The following ZNF160 variants were observed in gnomAD, a reference collection of about 807,000 sequenced individuals.
ZNF160 encodes the protein zinc finger protein 160.
In ZNF160, 9 loss-of-function variants were observed where a neutral mutation model predicts 13.1. The ratio of observed to expected loss-of-function variants is 0.69; its 90% CI spans 0.41 to 1.20. The LOEUF is 1.20. Among genes scored for constraint, ZNF160 ranks in the 50% most tolerant of loss-of-function variants. The pLI is 0.01. For synonymous variants in ZNF160, 293 were observed against 333.2 expected, an observed-to-expected ratio of 0.88 and a Z score of 1.31; for missense variants, 838 against 988.0, an observed-to-expected ratio of 0.85 and a Z score of 2.04.
intron 3 of ZNF160, chr19:53,085,024 G>C (rs1600867353): frequency 4.6e-6 from 1 of 215,402 alleles, no homozygotes; most frequent in Non-Finnish European, 7.9e-6. Flanking sequence ...CACTATCATG[G>C]CTCACTGCAG....
chr19:53,101,526 G>A (rs2085447303), intron 1 of ZNF160, among the ~76,000 whole-genome samples: 1 of 151,992 alleles, frequency 6.6e-6, no homozygotes, highest in African/African-American at 2.4e-5. Flanking sequence ...AATGACATGA[G>A]CCAATACAGG....
At chr19:53,084,375 C>T (rs953475603) in intron 3 of ZNF160, among the ~76,000 whole-genome samples, 1 of 152,160 alleles carries the variant, frequency 6.6e-6, no homozygotes, top group Admixed American at 6.5e-5. Context: ...ACTTCTTCCC[C>T]TAAGCTAGCT....
intron 3 of ZNF160, among the ~76,000 whole-genome samples, chr19:53,080,177 C>A (rs909737107): frequency 1.3e-5 from 2 of 151,374 alleles, no homozygotes; most frequent in African/African-American, 4.9e-5. Context: ...TGGCTCACCA[C>A]AACCTCTGCC....
chr19:53,102,920 G>T (rs774854840), intron 1 of ZNF160, among the ~76,000 whole-genome samples: 2 of 152,100 alleles, frequency 1.3e-5, no homozygotes, highest in African/African-American at 2.4e-5. Flanking sequence ...GGAGGGAGGT[G>T]GGGGGCGACG....
At chr19:53,090,157 AGCTGTCCCGTCTT>A (rs1568499386) in intron 2 of ZNF160, among the ~76,000 whole-genome samples, 4 of 149,274 alleles carry the variant, frequency 2.7e-5, no homozygotes, top group African/African-American at 7.5e-5. Context: ...CCTTGTCACC[AGCTGTCCCGTCTT>A]GCTGTCCCAG....
intron 5 of ZNF160, chr19:53,073,215 C>G (rs1295027996): frequency 3.5e-6 from 5 of 1,429,652 alleles, no homozygotes; most frequent in Non-Finnish European, 4.6e-6. Context: ...TAAGTGACAA[C>G]ATGCAGTACT....
At chr19:53,088,902 C>T (rs917413331) in intron 2 of ZNF160, among the ~76,000 whole-genome samples, 10 of 152,204 alleles carry the variant, frequency 6.6e-5, no homozygotes, top group African/African-American at 2.2e-4. Flanking sequence ...CACAGGACTG[C>T]CCTCACTTCA....
At chr19:53,095,739 C>T (rs550483102) in intron 1 of ZNF160, 1 of 151,970 alleles carries the variant, frequency 6.6e-6, no homozygotes, top group Non-Finnish European at 1.5e-5. Context: ...AATGTTCAGT[C>T]GTTTATTCAC....
Position 53,082,099 on chromosome 19 carries a change from T to C in ZNF160, c.15+4163A>G, listed in dbSNP as rs200917008. On this transcript the variant is annotated intron_variant, in intron 3 of 5. Transcript: ENST00000683776. ...ACACAAAGATGAGAACAACAGACAC[T>C]GGCGACTCCAAAAAGGAAGAGGAAG... Among the ~76,000 whole-genome samples, 5 of 152,112 alleles carry C rather than the reference T, an allele frequency of 3.3e-5. No individual in the cohort carries two copies. In the East Asian group the frequency reaches 5.8e-4, roughly 18 times the overall value.
rs1379384930 is a variant in ZNF160, at chr19:53,069,489, C to T, written c.1045G>A (p.Ala349Thr). 6.2e-7 allele frequency: 1 copy of T among 1,613,982 alleles called. No homozygotes were observed. The highest frequency in any genetic ancestry group is 8.5e-7 in the Non-Finnish European group (1 of 1,180,036). The change falls in exon 6 of 6, where the codon GCC (alanine) becomes ACC (threonine). Residue 349 changes from alanine (A) to threonine (T), a missense_variant. Around this residue, in one of 3 missense-constraint regions of ZNF160, gnomAD observed 400 missense variants for 538.9 expected, o/e 0.74. Coordinates refer to ENST00000683776, the MANE Select transcript of ZNF160 (RefSeq NM_001322131.2). This position sits in a 1 kb window ranked among gnomAD's most constrained non-coding sequence, Gnocchi z 4.4. The stretch of plus-strand genomic sequence containing the variant: ...GTTAGGTTTGAATGTCCTCTAAAGG[C>T]TTTTCCACACTCATTACACTTGTAA... ...KPYKCNECGK[A>T]FRGHSNLTTH...
intron 3 of ZNF160, among the ~76,000 whole-genome samples, chr19:53,076,687 T>A (rs1443263399): frequency 6.6e-6 from 1 of 151,588 alleles, no homozygotes; most frequent in Non-Finnish European, 1.5e-5. Context: ...GACAGAGGAG[T>A]AGGAAGTCCC....
intron 1 of ZNF160, among the ~76,000 whole-genome samples, chr19:53,094,650 C>T (rs574799828): frequency 6.6e-6 from 1 of 152,230 alleles, no homozygotes; most frequent in Admixed American, 6.5e-5. Flanking sequence ...TGGCCCAGTA[C>T]CATTCTGTTC....
chr19:53,072,019 C>T (rs1056735486), intron 5 of ZNF160, among the ~76,000 whole-genome samples: 4 of 151,914 alleles, frequency 2.6e-5, no homozygotes, highest in Admixed American at 6.6e-5. Flanking sequence ...TGTTGAAATA[C>T]TTGTTATATA....
At chr19:53,086,887 C>T (rs911221333) in intron 2 of ZNF160, among the ~76,000 whole-genome samples, 1 of 152,244 alleles carries the variant, frequency 6.6e-6, no homozygotes, top group Non-Finnish European at 1.5e-5. Flanking sequence ...CCCAGCACAG[C>T]CCCACCTTCT....
chr19:53,099,432 C>T (rs2085364027), intron 1 of ZNF160, among the ~76,000 whole-genome samples: 1 of 152,174 alleles, frequency 6.6e-6, no homozygotes, highest in South Asian at 2.1e-4. Flanking sequence ...CTGGCAGGGG[C>T]CCTGGACGCA....
chr19:53,088,035 T>C (rs1416382553), intron 2 of ZNF160, among the ~76,000 whole-genome samples: 2 of 152,092 alleles, frequency 1.3e-5, no homozygotes, highest in Non-Finnish European at 2.9e-5. Flanking sequence ...GCAGTGGGTG[T>C]GGACGGAGAC....
intron 5 of ZNF160, among the ~76,000 whole-genome samples, chr19:53,070,926 G>A (rs2084147424): frequency 5.9e-5 from 9 of 151,894 alleles, no homozygotes; most frequent in Admixed American, 5.9e-4. Context: ...GGCCAGGTGT[G>A]GTGGCTTATG....
At chr19:53,091,032 A>G (rs1030602300) in intron 2 of ZNF160, 1 of 152,152 alleles carries the variant, frequency 6.6e-6, no homozygotes, top group East Asian at 1.9e-4. Context: ...TGAAAGAGCC[A>G]TGAGGGGATA....
chr19:53,093,538 A>G (rs766487174), intron 1 of ZNF160: 9 of 152,222 alleles, frequency 5.9e-5, no homozygotes, highest in Non-Finnish European at 1.0e-4. Context: ...TTGTCAACAC[A>G]TAACACCAAG....
Sources: allele counts gnomAD v4.1 joint callset (sites outside exome capture counted in the v4.1 genomes callset), GRCh38; gene constraint gnomAD v4.1.1; regional missense constraint gnomAD v4.1.1; non-coding constraint Gnocchi (gnomAD v3.1); transcripts MANE v1.5; gene names NCBI Gene and HGNC (gene_info 2026-07-23, HGNC 2026-07-21).